PDE1C: variants seen among roughly 807,000 people sequenced by gnomAD.
PDE1C encodes the protein phosphodiesterase 1C, also known as dual specificity calcium/calmodulin-dependent 3',5'-cyclic nucleotide phosphodiesterase 1C.
A neutral mutation model predicts 93.1 loss-of-function variants in PDE1C; 62 were observed. The ratio of observed to expected loss-of-function variants is 0.67; its 90% CI spans 0.54 to 0.82. PDE1C has a LOEUF of 0.82. PDE1C is among the 40% of genes least tolerant of loss of function. The pLI, the probability that PDE1C is intolerant of heterozygous loss-of-function variation, is 0.00. For missense variants in PDE1C, 742 were observed against 884.6 expected, an observed-to-expected ratio of 0.84 and a Z score of 2.04; for synonymous variants, 325 against 310.1, an observed-to-expected ratio of 1.05 and a Z score of -0.50.
chr7:32,311,309 G>C (rs215617), intron 1 of PDE1C, among the ~76,000 whole-genome samples: 1 of 151,946 alleles, frequency 6.6e-6, no homozygotes, highest in Non-Finnish European at 1.5e-5. Context: ...ATTCACAGCC[G>C]AATTCTACCA....
At chr7:32,093,380 C>T (rs1797578572) in intron 3 of PDE1C, among the ~76,000 whole-genome samples, 2 of 152,228 alleles carry the variant, frequency 1.3e-5, no homozygotes, top group Non-Finnish European at 1.5e-5. Context: ...ATCCCATTCC[C>T]TTTTGCATCT....
the PDE1C span, among the ~76,000 whole-genome samples, chr7:31,706,705 T>C: frequency 6.6e-6 from 1 of 152,204 alleles, no homozygotes; most frequent in Non-Finnish European, 1.5e-5. Flanking sequence ...CGAGCAAATA[T>C]TGAAAGGACA....
intron 1 of PDE1C, among the ~76,000 whole-genome samples, chr7:32,264,030 C>T (rs1393166287): frequency 5.3e-5 from 8 of 152,184 alleles, no homozygotes; most frequent in African/African-American, 1.9e-4. Flanking sequence ...TCCTACCCTT[C>T]ATGAAAATTC....
rs544319255 is a variant in PDE1C, at chr7:31,912,835, AT to A, written c.129-31976del. ...TGGCTAGAAATTATTTGGAAAATAG[AT>A]TTTTTTTTTGGACACAGAAATGTAT... is the stretch of plus-strand genomic sequence containing the variant. On this transcript the variant is annotated intron_variant, in intron 2 of 17. Transcript: ENST00000396191. 7.1e-3 allele frequency among the ~76,000 whole-genome samples: 1,066 copies of A among 150,146 alleles called. 9 individuals carry two copies. The highest frequency in any genetic ancestry group is 0.014 in the African/African-American group (590 of 41,102).
At chr7:31,723,854 C>T in the PDE1C span, among the ~76,000 whole-genome samples, 1 of 152,200 alleles carries the variant, frequency 6.6e-6, no homozygotes, top group Non-Finnish European at 1.5e-5. Context: ...CCGCTCCTGA[C>T]CCCCAAATAC....
intron 1 of PDE1C, among the ~76,000 whole-genome samples, chr7:32,229,798 G>T (rs1807561551): frequency 6.6e-6 from 1 of 152,336 alleles, no homozygotes; most frequent in Non-Finnish European, 1.5e-5. Context: ...GGTCAGCCTG[G>T]CTATAAAGTC....
At chr7:32,366,851 C>T (rs1311183313) in intron 1 of PDE1C, among the ~76,000 whole-genome samples, 8 of 126,234 alleles carry the variant, frequency 6.3e-5, no homozygotes, top group African/African-American at 9.4e-5. Context: ...GGTGAAACCC[C>T]GTCACTACTA....
intron 2 of PDE1C, among the ~76,000 whole-genome samples, chr7:32,201,951 A>C (rs1235395977): frequency 1.3e-5 from 2 of 152,210 alleles, no homozygotes; most frequent in Non-Finnish European, 2.9e-5. Flanking sequence ...ATGTCAGAGC[A>C]ATAGGAAGAT....
chr7:31,897,058 G>A (rs138563768), intron 2 of PDE1C, among the ~76,000 whole-genome samples: 143 of 152,290 alleles, frequency 9.4e-4, no homozygotes, highest in African/African-American at 3.2e-3. Context: ...ACTGATGTGC[G>A]CTTAGACTCT....
intron 1 of PDE1C, among the ~76,000 whole-genome samples, chr7:32,063,654 C>CT (rs1260124179): frequency 1.3e-4 from 20 of 152,300 alleles, no homozygotes; most frequent in African/African-American, 4.3e-4. Context: ...GAATCTACTT[C>CT]TTTTGATATT....
chr7:31,900,607 A>G (rs1279265021), intron 2 of PDE1C, among the ~76,000 whole-genome samples: 1 of 151,846 alleles, frequency 6.6e-6, no homozygotes, highest in Non-Finnish European at 1.5e-5. Context: ...CCAATATCCC[A>G]TATAATATTT....
At chr7:32,222,699 T>C (rs979542701) in intron 1 of PDE1C, among the ~76,000 whole-genome samples, 2 of 152,136 alleles carry the variant, frequency 1.3e-5, no homozygotes, top group African/African-American at 4.8e-5. Flanking sequence ...GTCGCATGAA[T>C]GCCCATTGCT....
At chr7:31,825,730 A>G (rs1789571042) in intron 12 of PDE1C, among the ~76,000 whole-genome samples, 1 of 152,142 alleles carries the variant, frequency 6.6e-6, no homozygotes, top group African/African-American at 2.4e-5. Flanking sequence ...GCCACTATAA[A>G]GTGGAAATGC....
the PDE1C span, among the ~76,000 whole-genome samples, chr7:31,654,171 G>C: frequency 6.6e-6 from 1 of 152,180 alleles, no homozygotes; most frequent in African/African-American, 2.4e-5. Context: ...GCATTCATCA[G>C]GGTGCCTGTG....
the PDE1C span, among the ~76,000 whole-genome samples, chr7:31,625,597 G>C: frequency 6.6e-6 from 1 of 151,680 alleles, no homozygotes; most frequent in Non-Finnish European, 1.5e-5. Context: ...ACAGGAGAGG[G>C]AACATCACAC....
the PDE1C span, among the ~76,000 whole-genome samples, chr7:31,633,685 G>A: frequency 6.6e-6 from 1 of 152,104 alleles, no homozygotes; most frequent in Non-Finnish European, 1.5e-5. Flanking sequence ...CCAACTCTAG[G>A]CTAACTTGCT....
chr7:31,826,158 T>C (rs1789633758), intron 12 of PDE1C, among the ~76,000 whole-genome samples: 1 of 152,136 alleles, frequency 6.6e-6, no homozygotes, highest in Non-Finnish European at 1.5e-5. Context: ...AAACTAAATA[T>C]CAACCAGAGG....
chr7:31,642,340 T>C, the PDE1C span: 1 of 928,908 alleles, frequency 1.1e-6, no homozygotes, highest in Non-Finnish European at 1.6e-6. Context: ...CACCCAAACC[T>C]CACTCACAGC....
the PDE1C span, among the ~76,000 whole-genome samples, chr7:31,724,300 G>A: frequency 1.3e-5 from 2 of 152,174 alleles, no homozygotes; most frequent in Admixed American, 1.3e-4. Context: ...TGAAATTTTA[G>A]TGTCTTCCTA....
Sources: allele counts gnomAD v4.1 joint callset (sites outside exome capture counted in the v4.1 genomes callset), GRCh38; gene constraint gnomAD v4.1.1; transcripts MANE v1.5; gene names NCBI Gene and HGNC (gene_info 2026-07-23, HGNC 2026-07-21).